SKAP1: variants seen among roughly 807,000 people sequenced by gnomAD.
The protein encoded by SKAP1 is src kinase associated phosphoprotein 1.
A neutral mutation model predicts 58.5 loss-of-function variants in SKAP1; 44 were observed. That is an observed-to-expected ratio of 0.75 (90% confidence interval 0.59 to 0.97). The LOEUF is 0.97. Among genes scored for constraint, SKAP1 ranks in the 50% least tolerant of loss-of-function variants. SKAP1 has a pLI of 0.00. For synonymous variants in SKAP1, 127 were observed against 149.7 expected (o/e 0.85, Z 1.11); for missense variants, 390 against 435.2 (o/e 0.90, Z 0.92).
At chr17:48,397,974 C>T (rs2067442957) in intron 1 of SKAP1, among the ~76,000 whole-genome samples, 1 of 152,102 alleles carries the variant, frequency 6.6e-6, no homozygotes, top group Non-Finnish European at 1.5e-5. Flanking sequence ...GGTTTGTCAT[C>T]CCCCAAAAGC....
chr17:48,360,626 C>A (rs1014179214), intron 3 of SKAP1, among the ~76,000 whole-genome samples: 5 of 152,286 alleles, frequency 3.3e-5, no homozygotes, highest in African/African-American at 1.2e-4. Flanking sequence ...TAAAAAGCCT[C>A]TTTCATGTTC....
intron 2 of SKAP1, among the ~76,000 whole-genome samples, chr17:48,371,216 A>G (rs1205026550): frequency 6.6e-6 from 1 of 152,210 alleles, no homozygotes; most frequent in Non-Finnish European, 1.5e-5. Flanking sequence ...TTGTATCCCA[A>G]GCTTCAGCAT....
chr17:48,215,407 A>T (rs2064926442), intron 4 of SKAP1, among the ~76,000 whole-genome samples: 1 of 152,196 alleles, frequency 6.6e-6, no homozygotes, highest in Non-Finnish European at 1.5e-5. Context: ...TATTCAGGGA[A>T]ATAGTAGGGA....
intron 4 of SKAP1, among the ~76,000 whole-genome samples, chr17:48,279,789 T>C (rs2065745094): frequency 6.6e-6 from 1 of 152,176 alleles, no homozygotes; most frequent in Non-Finnish European, 1.5e-5. Flanking sequence ...TCCATTCCTA[T>C]GGCCCACCAA....
intron 2 of SKAP1, among the ~76,000 whole-genome samples, chr17:48,373,835 C>A (rs1257589496): frequency 6.6e-6 from 1 of 152,072 alleles, no homozygotes; most frequent in East Asian, 1.9e-4. Context: ...AACTAGCTAC[C>A]CAGAAAGGCC....
At chr17:48,357,524 G>A (rs981634299) in intron 3 of SKAP1, among the ~76,000 whole-genome samples, 7 of 152,094 alleles carry the variant, frequency 4.6e-5, no homozygotes, top group African/African-American at 9.7e-5. Flanking sequence ...CAGCTGCTCG[G>A]GAGGCTGAGG....
At chr17:48,353,257 T>G (rs754666273) in intron 3 of SKAP1, among the ~76,000 whole-genome samples, 7 of 152,190 alleles carry the variant, frequency 4.6e-5, no homozygotes, top group Non-Finnish European at 8.8e-5. Context: ...TTCCAGCACC[T>G]TCTGTTTGAT....
At chr17:48,415,463 C>T (rs201131456) in intron 1 of SKAP1, among the ~76,000 whole-genome samples, 3 of 152,136 alleles carry the variant, frequency 2.0e-5, no homozygotes, top group South Asian at 2.1e-4. Flanking sequence ...ATTTTATTCT[C>T]GTTTTACTTC....
intron 4 of SKAP1, among the ~76,000 whole-genome samples, chr17:48,233,737 TC>T (rs1192906628): frequency 6.6e-6 from 1 of 151,996 alleles, no homozygotes; most frequent in Non-Finnish European, 1.5e-5. Context: ...GCACCTGTAA[TC>T]CCAACTACTA....
intron 1 of SKAP1, among the ~76,000 whole-genome samples, chr17:48,412,174 T>C (rs924144955): frequency 7.2e-5 from 11 of 152,152 alleles, no homozygotes; most frequent in Non-Finnish European, 1.3e-4. Context: ...TGGCATATGG[T>C]ATAATCTTAA....
At chr17:48,234,424 A>G (rs2065158317) in intron 4 of SKAP1, among the ~76,000 whole-genome samples, 1 of 152,238 alleles carries the variant, frequency 6.6e-6, no homozygotes, top group African/African-American at 2.4e-5. Context: ...TAATGGGAAT[A>G]TGGGCAGTTG....
Position 48,287,643 on chromosome 17 carries a change from TCTGA to T in SKAP1, c.280+58258_280+58261del, listed in dbSNP as rs2065847622. ...TCTCAGTACTAATTTTTATTTGCTC[TCTGA>T]CTATTAAGTACTAAAACAGGGTTAA... is the stretch of plus-strand genomic sequence containing the variant. On this transcript the variant is annotated intron_variant, in intron 4 of 12. Transcript: ENST00000336915. 3.3e-5 allele frequency among the ~76,000 whole-genome samples: 5 copies of T among 152,226 alleles called. No individual in the cohort carries two copies. In the South Asian group the frequency reaches 6.2e-4, roughly 19 times the overall value.
At chr17:48,428,244 T>C (rs1052035988) in intron 1 of SKAP1, among the ~76,000 whole-genome samples, 1 of 152,160 alleles carries the variant, frequency 6.6e-6, no homozygotes, top group Non-Finnish European at 1.5e-5. Flanking sequence ...TATAATTTGG[T>C]TTCAGACTCC....
At chr17:48,190,489 G>A (rs2064526456) in intron 4 of SKAP1, among the ~76,000 whole-genome samples, 1 of 152,168 alleles carries the variant, frequency 6.6e-6, no homozygotes, top group Non-Finnish European at 1.5e-5. Context: ...CAAATGAATA[G>A]CTACCAGCAC....
intron 2 of SKAP1, among the ~76,000 whole-genome samples, chr17:48,386,528 G>C (rs2144499854): frequency 6.6e-6 from 1 of 152,284 alleles, no homozygotes; most frequent in South Asian, 2.1e-4. Context: ...TGGAGCCTGA[G>C]AGTCTGCATT....
intron 1 of SKAP1, among the ~76,000 whole-genome samples, chr17:48,412,231 T>C (rs1209655656): frequency 6.6e-6 from 1 of 152,258 alleles, no homozygotes; most frequent in Non-Finnish European, 1.5e-5. Flanking sequence ...TTCATTAACC[T>C]GATCTTTACT....
chr17:48,185,748 C>G (rs957965791), intron 6 of SKAP1, among the ~76,000 whole-genome samples: 1 of 152,154 alleles, frequency 6.6e-6, no homozygotes, highest in Non-Finnish European at 1.5e-5. Flanking sequence ...AGACTGTGCT[C>G]ACCTGGTTGA....
chr17:48,290,764 G>A (rs1163063944), intron 4 of SKAP1, among the ~76,000 whole-genome samples: 3 of 152,158 alleles, frequency 2.0e-5, no homozygotes, highest in Non-Finnish European at 4.4e-5. Flanking sequence ...ATAAATGAAT[G>A]AGATTTCTGT....
chr17:48,241,632 A>G (rs1389801771), intron 4 of SKAP1, among the ~76,000 whole-genome samples: 1 of 152,194 alleles, frequency 6.6e-6, no homozygotes, highest in Non-Finnish European at 1.5e-5. Flanking sequence ...AAGGCCTAAC[A>G]AAGCAAAACA....
Sources: gnomAD v4.1 joint callset for allele counts (sites outside exome capture counted in the v4.1 genomes callset) on GRCh38, gnomAD v4.1.1 for gene constraint, MANE v1.5 for transcripts, NCBI Gene and HGNC (gene_info 2026-07-23, HGNC 2026-07-21) for gene names.